The following DAB1 variants were observed in gnomAD, a reference collection of about 807,000 sequenced individuals.
The protein encoded by DAB1 is disabled homolog 1.
DAB1 carries 15 observed loss-of-function variants against 64.6 expected under a neutral mutation model. The ratio of observed to expected loss-of-function variants is 0.23; its 90% CI spans 0.16 to 0.36. DAB1 has a LOEUF of 0.36. Among genes scored for constraint, DAB1 ranks in the 10% least tolerant of loss-of-function variants. DAB1 has a pLI of 1.00. For missense variants in DAB1, 596 were observed against 706.7 expected (o/e 0.84, Z 1.78); for synonymous variants, 235 against 251.9 (o/e 0.93, Z 0.64).
chr1:57,358,391 A>C (rs1006080123), intron 1 of DAB1, among the ~76,000 whole-genome samples: 1 of 152,028 alleles, frequency 6.6e-6, no homozygotes, highest in African/African-American at 2.4e-5. Context: ...CTTTTTGTGC[A>C]TCTATTGAAA....
At chr1:57,267,229 C>T (rs950375943) in intron 2 of DAB1, among the ~76,000 whole-genome samples, 9 of 151,878 alleles carry the variant, frequency 5.9e-5, no homozygotes, top group African/African-American at 1.9e-4. Flanking sequence ...CAGTGGCCAC[C>T]GAGAGCAGGA....
intron 7 of DAB1, among the ~76,000 whole-genome samples, chr1:57,499,852 A>G (rs1644270674): frequency 6.6e-6 from 1 of 152,170 alleles, no homozygotes; most frequent in Non-Finnish European, 1.5e-5. Flanking sequence ...GTTCACGTCC[A>G]CCTACTATAC....
chr1:58,056,931 G>C (rs1328599113), intron 5 of DAB1, among the ~76,000 whole-genome samples: 2 of 151,726 alleles, frequency 1.3e-5, no homozygotes, highest in African/African-American at 4.8e-5. Flanking sequence ...TCTAGGGGTG[G>C]TAGCAGCCCT....
intron 3 of DAB1, among the ~76,000 whole-genome samples, chr1:58,350,898 CCAG>C: frequency 6.6e-6 from 1 of 152,260 alleles, no homozygotes; most frequent in South Asian, 2.1e-4. Flanking sequence ...CATGATGCCT[CCAG>C]CTTTGTCCTT....
At chr1:58,354,102 T>C (rs4244014) in intron 3 of DAB1, among the ~76,000 whole-genome samples, 68,995 of 151,932 alleles carry the variant, frequency 0.45, 15,788 homozygotes, top group Admixed American at 0.56. Context: ...CATGGTCTAA[T>C]GGAAGAAGCA....
At chr1:58,435,711 G>A (rs369309890) in intron 3 of DAB1, among the ~76,000 whole-genome samples, 1 of 152,090 alleles carries the variant, frequency 6.6e-6, no homozygotes, top group Non-Finnish European at 1.5e-5. Context: ...CCTTTTTTCT[G>A]TCACTATTAC....
intron 5 of DAB1, among the ~76,000 whole-genome samples, chr1:58,143,479 C>T (rs1557669435): frequency 6.6e-6 from 1 of 152,162 alleles, no homozygotes; most frequent in Non-Finnish European, 1.5e-5. Context: ...ATATTTACCA[C>T]CAGAAGTTCT....
At chr1:57,748,782 G>A (rs1648407016) in intron 6 of DAB1, among the ~76,000 whole-genome samples, 1 of 137,390 alleles carries the variant, frequency 7.3e-6, no homozygotes, top group South Asian at 2.3e-4. Flanking sequence ...TTTAGAGTAG[G>A]ATTCTTTGAG....
intron 3 of DAB1, among the ~76,000 whole-genome samples, chr1:58,448,318 AG>A (rs1645094286): frequency 6.6e-6 from 1 of 152,192 alleles, no homozygotes; most frequent in Non-Finnish European, 1.5e-5. Flanking sequence ...ATATAAACAT[AG>A]GGTTTTGTTA....
chr1:57,260,296 C>A (rs529186235), intron 2 of DAB1, among the ~76,000 whole-genome samples: 1 of 152,160 alleles, frequency 6.6e-6, no homozygotes, highest in Non-Finnish European at 1.5e-5. Context: ...GTGGGTAAAG[C>A]CCTCATTCAC....
chr1:57,777,842 A>G (rs1649885641), intron 6 of DAB1, among the ~76,000 whole-genome samples: 1 of 151,978 alleles, frequency 6.6e-6, no homozygotes, highest in South Asian at 2.1e-4. Flanking sequence ...GTGGGACAGG[A>G]TGTTGACCAC....
intron 6 of DAB1, among the ~76,000 whole-genome samples, chr1:57,735,172 A>G (rs1230064939): frequency 6.6e-6 from 1 of 152,170 alleles, no homozygotes; most frequent in Non-Finnish European, 1.5e-5. Context: ...GACTAAAATG[A>G]AGGAGAAGAA....
At chr1:57,517,466 G>A (rs1206307642) in intron 7 of DAB1, among the ~76,000 whole-genome samples, 2 of 152,124 alleles carry the variant, frequency 1.3e-5, no homozygotes, top group Non-Finnish European at 2.9e-5. Flanking sequence ...ATAAATGTTT[G>A]CTGAAAATAA....
chr1:57,896,477 A>G (rs1222094989), intron 5 of DAB1, among the ~76,000 whole-genome samples: 3 of 152,130 alleles, frequency 2.0e-5, no homozygotes, highest in African/African-American at 7.2e-5. Context: ...TTTTATAGGA[A>G]ATATGTTCTT....
intron 4 of DAB1, among the ~76,000 whole-genome samples, chr1:58,254,071 AGAG>A (rs1166007788): frequency 6.6e-6 from 1 of 152,206 alleles, no homozygotes; most frequent in Non-Finnish European, 1.5e-5. Flanking sequence ...TATAAACCAC[AGAG>A]GAGGCAGGAC....
chr1:57,749,138 C>T (rs1032117832), intron 6 of DAB1, among the ~76,000 whole-genome samples: 10 of 152,134 alleles, frequency 6.6e-5, no homozygotes, highest in African/African-American at 2.2e-4. Context: ...GGTCACCCTA[C>T]GGGATGGAGT....
In DAB1 at chr1:57,695,372, G is replaced by GA. The variant is rs1199531919; in HGVS notation, n.552-45708dup. Among the ~76,000 whole-genome samples, 462 of 53,632 alleles carry GA rather than the reference G, an allele frequency of 8.6e-3. 3 individuals carry two copies. The highest frequency in any genetic ancestry group is 0.024 in the South Asian group (27 of 1,106). 35.2% of individuals were successfully genotyped at this position (53,632 alleles called of 152,430 possible). On this transcript the variant is annotated intron_variant and non_coding_transcript_variant, in intron 6 of 20. Coordinates refer to the DAB1 transcript ENST00000485760. ...AGAAAGAAAAGAAAGAAGAAAGAAA[G>GA]AAAGAAAGAAAGAAAGAAAGAAAGA... is the stretch of plus-strand genomic sequence containing the variant.
At chr1:57,351,854 A>G (rs370021294) in intron 1 of DAB1, among the ~76,000 whole-genome samples, 75 of 152,058 alleles carry the variant, frequency 4.9e-4, no homozygotes, top group African/African-American at 1.8e-3. Flanking sequence ...TTTATTTGTC[A>G]TTTCTCCCTG....
chr1:57,436,675 C>A (rs895091691), intron 7 of DAB1, among the ~76,000 whole-genome samples: 4 of 152,190 alleles, frequency 2.6e-5, no homozygotes, highest in African/African-American at 9.7e-5. Flanking sequence ...GATGGATGCA[C>A]CCTCTACAAA....
Sources: gnomAD v4.1 joint callset for allele counts (sites outside exome capture counted in the v4.1 genomes callset) on GRCh38, gnomAD v4.1.1 for gene constraint, MANE v1.5 for transcripts, NCBI Gene and HGNC (gene_info 2026-07-23, HGNC 2026-07-21) for gene names.